Variants in MEGF11 observed in about 807,000 individuals in gnomAD.
MEGF11 encodes the protein multiple EGF like domains 11, also known as multiple epidermal growth factor-like domains protein 11.
A neutral mutation model predicts 146.6 loss-of-function variants in MEGF11; 126 were observed. The ratio of observed to expected loss-of-function variants is 0.86; its 90% CI spans 0.74 to 1.00. The LOEUF is 1.00. Among genes scored for constraint, MEGF11 ranks in the 50% least tolerant of loss-of-function variants. The pLI is 0.00. For synonymous variants in MEGF11, 532 were observed against 583.4 expected (o/e 0.91, Z 1.27); for missense variants, 1,509 against 1,521.2 (o/e 0.99, Z 0.13).
intron 10 of MEGF11, among the ~76,000 whole-genome samples, chr15:65,943,887 G>A (rs1356349352): frequency 6.6e-6 from 1 of 152,168 alleles, no homozygotes; most frequent in Non-Finnish European, 1.5e-5. Flanking sequence ...AGCGCCCTAG[G>A]TGAGGGCTGT....
At chr15:66,161,386 T>A (rs2141076918) in intron 1 of MEGF11, among the ~76,000 whole-genome samples, 1 of 152,250 alleles carries the variant, frequency 6.6e-6, no homozygotes, top group African/African-American at 2.4e-5. Flanking sequence ...GCTGGTCACA[T>A]AATCTCCACT....
chr15:66,179,786 T>C (rs1245129273), intron 1 of MEGF11, among the ~76,000 whole-genome samples: 1 of 151,856 alleles, frequency 6.6e-6, no homozygotes, highest in Admixed American at 6.6e-5. Flanking sequence ...AGGATTGTCT[T>C]ATCTCTGCAA....
In MEGF11 at chr15:65,956,580, A is replaced by G. The variant is rs2080646787; in HGVS notation, c.1287+967T>C. On this transcript the variant is annotated intron_variant, in intron 10 of 25. Coordinates refer to ENST00000395614, the MANE Select transcript of MEGF11 (RefSeq NM_001385028.1). Reference sequence around the variant, plus strand: ...AAGGCCACACTCTTTCAACTGCACAATTGTACCACTTCCTACAGCACAATT... The same window carrying G: ...AAGGCCACACTCTTTCAACTGCACAGTTGTACCACTTCCTACAGCACAATT... Among the ~76,000 whole-genome samples, 3 of 152,310 alleles carry G rather than the reference A, an allele frequency of 2.0e-5. No homozygotes were observed. The South Asian group carries it at 6.2e-4, about 32-fold the overall frequency.
rs2084852944 is a variant in MEGF11 at position 66,060,393 on chromosome 15, GC to G, written c.394+34008del. Reference sequence around the variant, plus strand: ...CAAGCCAAACACAGTCTCTCCCCTTGCAGAACTAGCTCAGTACCCAGCTACT... The same window carrying G: ...CAAGCCAAACACAGTCTCTCCCCTTGAGAACTAGCTCAGTACCCAGCTACT... On this transcript the variant is annotated intron_variant, in intron 5 of 25. Transcript: ENST00000395614. 2.6e-5 allele frequency among the ~76,000 whole-genome samples: 4 copies of G among 152,326 alleles called. No individual in the cohort carries two copies. The South Asian group carries it at 8.3e-4, about 32-fold the overall frequency.
intron 15 of MEGF11, among the ~76,000 whole-genome samples, chr15:65,920,643 T>A (rs992176168): frequency 6.6e-6 from 1 of 152,250 alleles, no homozygotes. Context: ...AGAGGGGCAG[T>A]GGACAGAAGG....
intron 1 of MEGF11, among the ~76,000 whole-genome samples, chr15:66,159,472 T>G (rs1432819705): frequency 2.0e-5 from 3 of 152,182 alleles, no homozygotes; most frequent in Non-Finnish European, 4.4e-5. Flanking sequence ...TTTTATACAT[T>G]GGAGAGGAAA....
chr15:66,048,736 G>A (rs766955409), intron 5 of MEGF11, among the ~76,000 whole-genome samples: 65 of 152,230 alleles, frequency 4.3e-4, no homozygotes, highest in African/African-American at 7.9e-4. Context: ...AGATGGGCAA[G>A]TGAGTCCACA....
chr15:65,955,823 A>AATATATATAAATATAT (rs71139451), intron 10 of MEGF11, among the ~76,000 whole-genome samples: 825 of 40,200 alleles, frequency 0.021, 111 homozygotes, highest in African/African-American at 0.074. Flanking sequence ...CAATACTTTA[A>AATATATATAAATATAT]ATATATAACA....
chr15:66,215,580 TC>T (rs1480577058), intron 1 of MEGF11, among the ~76,000 whole-genome samples: 2 of 152,194 alleles, frequency 1.3e-5, no homozygotes, highest in Admixed American at 6.5e-5. Context: ...CAAGGTTTTA[TC>T]TGTACCAGAG....
At chr15:66,113,419 A>T (rs1336408590) in intron 4 of MEGF11, among the ~76,000 whole-genome samples, 5 of 152,164 alleles carry the variant, frequency 3.3e-5, no homozygotes, top group Non-Finnish European at 7.3e-5. Flanking sequence ...AGCTTGAGGG[A>T]GTTCATTTGC....
At chr15:66,011,303 G>C (rs2082704687) in intron 5 of MEGF11, among the ~76,000 whole-genome samples, 1 of 152,168 alleles carries the variant, frequency 6.6e-6, no homozygotes, top group Non-Finnish European at 1.5e-5. Flanking sequence ...TCTGGCCAGG[G>C]AACCAGGAGG....
intron 1 of MEGF11, among the ~76,000 whole-genome samples, chr15:66,139,478 G>A (rs956040641): frequency 2.6e-5 from 4 of 152,198 alleles, no homozygotes; most frequent in Non-Finnish European, 1.5e-5. Flanking sequence ...AGCCTGGGAA[G>A]AGCATTAATT....
chr15:66,222,019 T>C (rs1157432696), intron 1 of MEGF11, among the ~76,000 whole-genome samples: 1 of 152,198 alleles, frequency 6.6e-6, no homozygotes, highest in Non-Finnish European at 1.5e-5. Flanking sequence ...CAGTTTTCGA[T>C]ACCACCAAAC....
At chr15:65,911,377 G>C in intron 21 of MEGF11, among the ~76,000 whole-genome samples, 1 of 152,206 alleles carries the variant, frequency 6.6e-6, no homozygotes, top group East Asian at 1.9e-4. Flanking sequence ...CATTGTGTTG[G>C]TAGCATACTG....
At chr15:66,049,512 T>C (rs2084365461) in intron 5 of MEGF11, among the ~76,000 whole-genome samples, 1 of 152,108 alleles carries the variant, frequency 6.6e-6, no homozygotes, top group African/African-American at 2.4e-5. Context: ...AGGGAAGCAA[T>C]GTTTTTTTAA....
intron 1 of MEGF11, among the ~76,000 whole-genome samples, chr15:66,207,514 T>G (rs532104315): frequency 2.2e-3 from 337 of 152,278 alleles, no homozygotes; most frequent in Non-Finnish European, 2.2e-3. Flanking sequence ...CTGACAGAAC[T>G]CATTACTAGC....
intron 5 of MEGF11, among the ~76,000 whole-genome samples, chr15:66,062,495 T>C (rs1053066841): frequency 5.3e-5 from 8 of 152,192 alleles, no homozygotes; most frequent in Admixed American, 1.3e-4. Context: ...CCCAGTCTTA[T>C]GGCTACAGTG....
chr15:66,250,640 G>C (rs1026716444), intron 1 of MEGF11, among the ~76,000 whole-genome samples: 1 of 152,222 alleles, frequency 6.6e-6, no homozygotes, highest in Non-Finnish European at 1.5e-5. Context: ...GGGTGCGGTG[G>C]CTCAGCCTGT....
At chr15:66,213,276 C>A (rs1444470797) in intron 1 of MEGF11, among the ~76,000 whole-genome samples, 2 of 152,050 alleles carry the variant, frequency 1.3e-5, no homozygotes, top group Non-Finnish European at 2.9e-5. Flanking sequence ...TGAGGCCAAC[C>A]CTTCAATTTA....
Sources: gnomAD v4.1 joint callset for allele counts (sites outside exome capture counted in the v4.1 genomes callset) on GRCh38, gnomAD v4.1.1 for gene constraint, MANE v1.5 for transcripts, NCBI Gene and HGNC (gene_info 2026-07-23, HGNC 2026-07-21) for gene names.